The following CHRM2 variants were observed in gnomAD, a reference collection of about 807,000 sequenced individuals.
CHRM2 encodes the protein cholinergic receptor muscarinic 2.
Under a neutral mutation model 25.0 loss-of-function variants are expected in CHRM2, and 8 were observed. The observed-to-expected ratio is 0.32, with a 90% CI of 0.19 to 0.58. The LOEUF (loss-of-function observed/expected upper bound fraction) is 0.58. Ranked by LOEUF, CHRM2 falls within the 20% of genes least tolerant of loss-of-function variation. The probability of loss-of-function intolerance (pLI) is 0.88; values close to 1 mark genes in which losing one functional copy is unlikely to be tolerated. For synonymous variants in CHRM2, 202 were observed against 205.7 expected (o/e 0.98, Z 0.15); for missense variants, 440 against 567.1 (o/e 0.78, Z 2.28).
intron 2 of CHRM2, among the ~76,000 whole-genome samples, chr7:136,911,094 C>T (rs972809692): frequency 5.3e-5 from 8 of 151,714 alleles, no homozygotes; most frequent in African/African-American, 1.5e-4. Flanking sequence ...TATAATGATC[C>T]TAAGTTATTC....
At position 136,944,937 on chromosome 7, in the gene CHRM2, C is replaced by T. The variant is rs554485568; in HGVS notation, c.-124-47250C>T. 2.9e-3 allele frequency among the ~76,000 whole-genome samples: 438 copies of T among 152,156 alleles called. 11 individuals are homozygous for T. The highest frequency in any genetic ancestry group is 9.3e-4 in the Non-Finnish European group (63 of 67,948). Reference sequence around the variant, plus strand: ...TTTTTTTTACCTTTTTTGATTATGGCCATTCTTGCAGGAGTAAGGTGGTAT... The same window carrying T: ...TTTTTTTTACCTTTTTTGATTATGGTCATTCTTGCAGGAGTAAGGTGGTAT... On this transcript the variant is annotated intron_variant, in intron 2 of 3. Coordinates refer to ENST00000680005, the MANE Select transcript of CHRM2 (RefSeq NM_001006630.2).
At chr7:136,952,841 GT>G (rs892555450) in intron 2 of CHRM2, among the ~76,000 whole-genome samples, 2 of 152,070 alleles carry the variant, frequency 1.3e-5, no homozygotes, top group Non-Finnish European at 2.9e-5. Context: ...CTGTTTCTGT[GT>G]TAGTTTGCTA....
chr7:136,991,533 C>G (rs1212750019), intron 2 of CHRM2, among the ~76,000 whole-genome samples: 1 of 152,080 alleles, frequency 6.6e-6, no homozygotes, highest in East Asian at 1.9e-4. Flanking sequence ...TTGATTACTA[C>G]AGCTTTACAC....
chr7:136,926,144 G>A (rs1188402797), intron 2 of CHRM2, among the ~76,000 whole-genome samples: 1 of 152,168 alleles, frequency 6.6e-6, no homozygotes, highest in Non-Finnish European at 1.5e-5. Context: ...GGCTGAGGCA[G>A]GAGATTGCTT....
chr7:136,900,246 A>G (rs187576219), intron 2 of CHRM2, among the ~76,000 whole-genome samples: 2 of 152,214 alleles, frequency 1.3e-5, no homozygotes, highest in East Asian at 3.9e-4. Flanking sequence ...GACACTGAAG[A>G]TACTAGTGAA....
At chr7:136,923,973 A>G (rs1450825173) in intron 2 of CHRM2, among the ~76,000 whole-genome samples, 1 of 152,162 alleles carries the variant, frequency 6.6e-6, no homozygotes, top group Non-Finnish European at 1.5e-5. Context: ...TGATCATGCC[A>G]CTGTTCTCTA....
intron 2 of CHRM2, among the ~76,000 whole-genome samples, chr7:136,930,544 T>G (rs1486453361): frequency 3.3e-5 from 5 of 152,084 alleles, no homozygotes; most frequent in Non-Finnish European, 7.4e-5. Context: ...GGAGATTTTT[T>G]GCTGATATAT....
chr7:136,970,520 T>C (rs1384655960), intron 2 of CHRM2, among the ~76,000 whole-genome samples: 1 of 152,144 alleles, frequency 6.6e-6, no homozygotes, highest in Admixed American at 6.5e-5. Context: ...GCTGTGTTAA[T>C]TCTTTTACAA....
chr7:136,877,189 C>A (rs555186387), intron 2 of CHRM2, among the ~76,000 whole-genome samples: 9 of 152,012 alleles, frequency 5.9e-5, no homozygotes, highest in Non-Finnish European at 1.2e-4. Context: ...GGACAGAGAG[C>A]TTTGCTGTAG....
chr7:136,877,535 T>G (rs2130484607), intron 2 of CHRM2, among the ~76,000 whole-genome samples: 1 of 151,762 alleles, frequency 6.6e-6, no homozygotes, highest in South Asian at 2.1e-4. Context: ...GTGTAGATTC[T>G]TATTACTAAT....
chr7:136,965,864 G>A (rs1363349431), intron 2 of CHRM2, among the ~76,000 whole-genome samples: 1 of 151,890 alleles, frequency 6.6e-6, no homozygotes, highest in African/African-American at 2.4e-5. Flanking sequence ...GTATTTGGAA[G>A]GGAATACACC....
intron 2 of CHRM2, among the ~76,000 whole-genome samples, chr7:136,912,999 T>A (rs1797924585): frequency 6.6e-6 from 1 of 151,866 alleles, no homozygotes; most frequent in Non-Finnish European, 1.5e-5. Flanking sequence ...CTGTTTTAAT[T>A]TAGCCCATCA....
At chr7:136,988,866 T>C (rs1803031583) in intron 2 of CHRM2, among the ~76,000 whole-genome samples, 1 of 152,074 alleles carries the variant, frequency 6.6e-6, no homozygotes, top group Non-Finnish European at 1.5e-5. Flanking sequence ...TAAATATGCC[T>C]ATACATATAC....
chr7:136,956,382 AC>A (rs1800724885), intron 2 of CHRM2, among the ~76,000 whole-genome samples: 2 of 152,254 alleles, frequency 1.3e-5, no homozygotes, highest in South Asian at 2.1e-4. Context: ...ATATAAATGT[AC>A]TGTTTAAGGG....
chr7:136,939,770 G>A (rs1341340862), intron 2 of CHRM2, among the ~76,000 whole-genome samples: 1 of 152,184 alleles, frequency 6.6e-6, no homozygotes, highest in Non-Finnish European at 1.5e-5. Flanking sequence ...ACACATTTCA[G>A]TACATAAAAA....
At chr7:136,944,356 CGAGTT>C (rs59094336) in intron 2 of CHRM2, among the ~76,000 whole-genome samples, 60,664 of 151,354 alleles carry the variant, frequency 0.4, 13,573 homozygotes, top group African/African-American at 0.61. Flanking sequence ...TTTTCACTCT[CGAGTT>C]ATTTCACTTA....
rs536219014 is a variant in CHRM2 at position 136,981,905 on chromosome 7, G to A, written c.-124-10282G>A. Among the ~76,000 whole-genome samples, 9 of 152,044 alleles carry A rather than the reference G, an allele frequency of 5.9e-5. 1 individual carries two copies. The highest frequency in any genetic ancestry group is 4.2e-4 in the South Asian group (2 of 4,814). ...TTTCAGAATAGGTGTGATGTGGTGC[G>A]GAGAAGAAAGTATATTCTGTTGATT... On this transcript the variant is annotated intron_variant, in intron 2 of 3. Transcript: ENST00000680005.
intron 3 of CHRM2, among the ~76,000 whole-genome samples, chr7:137,002,564 G>C (rs1804120795): frequency 6.6e-6 from 1 of 152,144 alleles, no homozygotes; most frequent in Non-Finnish European, 1.5e-5. Context: ...TTGACCATTG[G>C]GTTAGGAAGA....
chr7:136,896,457 A>C (rs1796906105), intron 2 of CHRM2, among the ~76,000 whole-genome samples: 1 of 152,164 alleles, frequency 6.6e-6, no homozygotes. Context: ...TCTAGGTGGA[A>C]TGTAGTAATC....
Sources: allele counts gnomAD v4.1 joint callset (sites outside exome capture counted in the v4.1 genomes callset), GRCh38; gene constraint gnomAD v4.1.1; transcripts MANE v1.5; gene names NCBI Gene and HGNC (gene_info 2026-07-23, HGNC 2026-07-21).